Variants in GIPC1 observed in about 807,000 individuals in gnomAD.
GIPC1 encodes PDZ domain-containing protein GIPC1.
In GIPC1, 15 loss-of-function variants were observed where a neutral mutation model predicts 28.5. The observed-to-expected ratio is 0.53, with a 90% CI of 0.35 to 0.81. GIPC1 has a LOEUF of 0.81. Ranked by LOEUF, GIPC1 falls within the 30% of genes least tolerant of loss-of-function variation. The pLI, the probability that GIPC1 is intolerant of heterozygous loss-of-function variation, is 0.01. For missense variants in GIPC1, 439 were observed against 481.9 expected, an observed-to-expected ratio of 0.91 and a Z score of 0.83; for synonymous variants, 224 against 206.1, an observed-to-expected ratio of 1.09 and a Z score of -0.74.
intron 3 of GIPC1, among the ~76,000 whole-genome samples, chr19:14,491,207 C>T (rs550137762): frequency 6.6e-6 from 1 of 151,692 alleles, no homozygotes; most frequent in African/African-American, 2.4e-5. Context: ...CCTGGTGCCT[C>T]CTATCCAATG....
At chr19:14,481,253 C>T (rs764092204) in intron 4 of GIPC1, among the ~76,000 whole-genome samples, 17 of 152,094 alleles carry the variant, frequency 1.1e-4, no homozygotes, top group Admixed American at 3.3e-4. Context: ...ACCACAGACA[C>T]GTGCCACCAC....
At position 14,482,733 on chromosome 19, in the gene GIPC1, G is replaced by C. The variant is rs1165816258; in HGVS notation, c.244C>G (p.Leu82Val). Residue 82 changes from leucine to valine, a missense_variant, in exon 4 of 9, where the codon CTG becomes GTG. Transcript: ENST00000393033. ...AAGGCCTCGGCGATCTTGCCATACA[G>C]CTCCTTGACGTTGGTGAAGCCCTCG... ...RIEGFTNVKE[L>V]YGKIAEAFRL... The C allele has an allele frequency of 6.2e-7, 1 of 1,611,670 alleles. No individual in the cohort carries two copies. Among genetic ancestry groups the C allele is most frequent in the East Asian group, 2.2e-5 (1 of 44,892 alleles).
chr19:14,479,680 G>A (rs1336608075), intron 6 of GIPC1, 156 bp from the exon 7 acceptor site: 1 of 456,812 alleles, frequency 2.2e-6, no homozygotes, highest in Admixed American at 4.2e-5. Context: ...CAGGAGGGCA[G>A]GAATCCTGAC....
chr19:14,478,091 C>T lies in GIPC1; in HGVS notation c.*325G>A. On this transcript the variant is annotated 3_prime_UTR_variant, in exon 9 of 9. Coordinates refer to ENST00000393033, the MANE Select transcript of GIPC1 (RefSeq NM_005716.4). This position sits in a 1 kb window ranked among gnomAD's most constrained non-coding sequence, Gnocchi z 5.2. ...CAAGGCCCCAGGGAGACAGAGGGAC[C>T]AGTTTGGCAGCTGATGGTGGAAAGT... 3.2e-6 allele frequency: 1 copy of T among 313,872 alleles called. No homozygotes were observed. The highest frequency in any genetic ancestry group is 6.4e-5 in the South Asian group (1 of 15,746). 19.4% of individuals were successfully genotyped at this position (313,872 alleles called of 1,614,324 possible). A position where few individuals can be genotyped will look rare whatever the true frequency, so the allele number is the denominator to read the frequency against.
At position 14,482,842 on chromosome 19, in the gene GIPC1, C is replaced by T. The variant is rs765369248; in HGVS notation, c.135G>A (p.Met45Ile). 11 of 1,575,146 alleles carry T rather than the reference C, an allele frequency of 7.0e-6. No individual in the cohort carries two copies. Among genetic ancestry groups the T allele is most frequent in the Non-Finnish European group, 9.5e-6 (11 of 1,161,286 alleles). Residue 45 changes from methionine to isoleucine, a missense_variant, in exon 4 of 9, where the codon ATG (methionine) becomes ATA (isoleucine). Coordinates refer to ENST00000393033, the MANE Select transcript of GIPC1 (RefSeq NM_005716.4). ...GGGCTGGGGGAGGGGGGGGCAAGCC[C>T]ATTTGGGGGCCCCCCGACCCACCTC... ...LGGGGSGGPQ[M>I]GLPPPPPALR...
intron 3 of GIPC1, among the ~76,000 whole-genome samples, chr19:14,490,200 C>T (rs1239360727): frequency 3.3e-5 from 5 of 151,716 alleles, no homozygotes; most frequent in African/African-American, 1.2e-4. Flanking sequence ...CCCGTCTCTA[C>T]TAAAATTACA....
chr19:14,483,865 GCT>G (rs2071783994), intron 3 of GIPC1, among the ~76,000 whole-genome samples: 1 of 151,816 alleles, frequency 6.6e-6, no homozygotes, highest in Non-Finnish European at 1.5e-5. Context: ...ACAGGGTCTT[GCT>G]CTGTCACTTA....
At chr19:14,491,904 C>A (rs1046382717) in intron 2 of GIPC1, among the ~76,000 whole-genome samples, 161 bp from the exon 3 acceptor site, 7 of 152,028 alleles carry the variant, frequency 4.6e-5, no homozygotes, top group African/African-American at 1.7e-4. Context: ...CACGCCCAGC[C>A]ATATATTTTC....
chr19:14,478,673 C>T lies in GIPC1; in HGVS notation c.850+11G>A, dbSNP rs961940904. 4 of 1,613,010 alleles carry T rather than the reference C, an allele frequency of 2.5e-6. No homozygotes were observed. The highest frequency in any genetic ancestry group is 1.7e-5 in the Admixed American group (1 of 59,982). On this transcript the variant is annotated intron_variant, in intron 8 of 8. Transcript: ENST00000393033. The surrounding 1 kb of genome is among the most constrained non-coding windows in gnomAD (Gnocchi z 5.2). ...CCTAGATGCCCCCTCCCCCAGGCAGCCCTCACTCACCCAGCTCCGTGTCCC... is the reference window on the plus strand; with the variant it reads ...CCTAGATGCCCCCTCCCCCAGGCAGTCCTCACTCACCCAGCTCCGTGTCCC...
At chr19:14,479,301 G>A (rs1027549022) in intron 7 of GIPC1, 111 bp downstream of exon 7, 24 of 499,036 alleles carry the variant, frequency 4.8e-5, no homozygotes, top group East Asian at 7.1e-5. Context: ...GCAGTGAGCC[G>A]AGATTGCACC....
chr19:14,488,400 G>A (rs550584677), intron 3 of GIPC1, among the ~76,000 whole-genome samples: 30 of 151,278 alleles, frequency 2.0e-4, no homozygotes, highest in African/African-American at 5.8e-4. Context: ...GCAGTGAGCC[G>A]AGATCACACC....
chr19:14,485,490 A>G (rs2071814318), intron 3 of GIPC1, among the ~76,000 whole-genome samples: 1 of 151,380 alleles, frequency 6.6e-6, no homozygotes, highest in African/African-American at 2.4e-5. Flanking sequence ...ATCTCTACTA[A>G]AAGTACAAAA....
intron 6 of GIPC1, 96 bp downstream of exon 6, chr19:14,480,209 G>T: frequency 9.4e-7 from 1 of 1,068,398 alleles, no homozygotes; most frequent in Non-Finnish European, 1.4e-6. Context: ...CTTTCGGCAG[G>T]CCAGGCTTGG....
At chr19:14,489,242 T>G (rs1437279543) in intron 3 of GIPC1, 1 of 625,992 alleles carries the variant, frequency 1.6e-6, no homozygotes, top group African/African-American at 1.8e-5. Context: ...TTGGATAAGG[T>G]TTGCCCCATT....
At chr19:14,482,569 G>T in intron 4 of GIPC1, 120 bp downstream of exon 4, 1 of 1,013,486 alleles carries the variant, frequency 9.9e-7, no homozygotes, top group Non-Finnish European at 1.5e-6. Flanking sequence ...CCACCACTGA[G>T]TGGGGCCCAG....
intron 3 of GIPC1, 51 bp from the exon 4 acceptor site, chr19:14,483,057 C>T: frequency 7.7e-7 from 1 of 1,304,192 alleles, no homozygotes; most frequent in Non-Finnish European, 1.1e-6. Context: ...CTTGGGTGCC[C>T]CTCCCACACT....
At chr19:14,480,275 A>G (rs1489400080) in intron 6 of GIPC1, 30 bp downstream of exon 6, 8 of 1,588,128 alleles carry the variant, frequency 5.0e-6, no homozygotes, top group Non-Finnish European at 6.9e-6. Flanking sequence ...GAGCAGCGCC[A>G]CTGGGGAGGT....
At position 14,482,803 on chromosome 19, in the gene GIPC1, G is replaced by A. The variant is rs765686972; in HGVS notation, c.174C>T (p.Leu58=). 9 of 1,601,770 alleles carry A rather than the reference G, an allele frequency of 5.6e-6. No homozygotes were observed. Among genetic ancestry groups the A allele is most frequent in the Admixed American group, 3.4e-5 (2 of 58,486 alleles). Residue 58 remains leucine (L), a synonymous_variant, in exon 4 of 9, where the codon CTC becomes CTT. Coordinates refer to ENST00000393033, the MANE Select transcript of GIPC1 (RefSeq NM_005716.4). ...CATGGGCCAGCTGGGTGTGGAACAC[G>A]AGGCGGGGCCGCAGGGCTGGGGGAG... ...PPPPPALRPR[L]VFHTQLAHGS...
chr19:14,490,949 T>C (rs1458081686), intron 3 of GIPC1, among the ~76,000 whole-genome samples: 6 of 132,278 alleles, frequency 4.5e-5, no homozygotes, highest in Non-Finnish European at 1.5e-5. Context: ...CACTCTAGCC[T>C]GGGTGACAGA....
Sources: allele counts gnomAD v4.1 joint callset (sites outside exome capture counted in the v4.1 genomes callset), GRCh38; gene constraint gnomAD v4.1.1; non-coding constraint Gnocchi (gnomAD v3.1); transcripts MANE v1.5; gene names NCBI Gene and HGNC (gene_info 2026-07-23, HGNC 2026-07-21).